GRID1: variants seen among roughly 807,000 people sequenced by gnomAD.
GRID1 encodes glutamate ionotropic receptor delta type subunit 1, also known as glutamate receptor ionotropic, delta-1.
A neutral mutation model predicts 98.0 loss-of-function variants in GRID1; 28 were observed. The observed-to-expected ratio is 0.29, with a 90% CI of 0.21 to 0.39. The LOEUF (loss-of-function observed/expected upper bound fraction) is 0.39. GRID1 is among the 10% of genes least tolerant of loss of function. GRID1 has a pLI of 1.00. For synonymous variants in GRID1, 553 were observed against 538.5 expected (o/e 1.03, Z -0.37); for missense variants, 1,111 against 1,340.5 (o/e 0.83, Z 2.67).
intron 14 of GRID1, among the ~76,000 whole-genome samples, chr10:85,614,245 A>G (rs2132515162): frequency 6.6e-6 from 1 of 152,342 alleles, no homozygotes; most frequent in South Asian, 2.1e-4. Context: ...GTGATTTAAA[A>G]AAATGAATCA....
chr10:86,251,194 CACAA>C lies in GRID1; in HGVS notation c.236-44550_236-44547del, dbSNP rs367620457. Among the ~76,000 whole-genome samples, 394 of 150,514 alleles carry C rather than the reference CACAA, an allele frequency of 2.6e-3. 4 individuals carry two copies. The highest frequency in any genetic ancestry group is 9.1e-3 in the African/African-American group (369 of 40,710). ...CTCCCTAATCTCAACTACCCAGGGA[CACAA>C]TCACTGCGGAAGGAAGGCGGCAGGG... On this transcript the variant is annotated intron_variant, in intron 2 of 15. Coordinates refer to ENST00000327946, the MANE Select transcript of GRID1 (RefSeq NM_017551.3).
chr10:86,283,553 A>ACACCACATG (rs1847385404), intron 2 of GRID1, among the ~76,000 whole-genome samples: 1 of 150,026 alleles, frequency 6.7e-6, no homozygotes, highest in Non-Finnish European at 1.5e-5. Flanking sequence ...ACCTGCCCTT[A>ACACCACATG]CACACACATG....
intron 4 of GRID1, among the ~76,000 whole-genome samples, chr10:86,034,455 T>C (rs1304495092): frequency 6.6e-6 from 1 of 152,166 alleles, no homozygotes; most frequent in East Asian, 1.9e-4. Context: ...TGGGTTTAGC[T>C]GTCTCCATTT....
At chr10:85,708,917 C>T (rs555127445) in intron 12 of GRID1, 3 of 179,312 alleles carry the variant, frequency 1.7e-5, no homozygotes, top group African/African-American at 4.8e-5. Context: ...AATCACATGG[C>T]TCAGCAGATT....
intron 8 of GRID1, among the ~76,000 whole-genome samples, chr10:85,850,189 C>T (rs1479174738): frequency 1.3e-5 from 2 of 152,124 alleles, no homozygotes; most frequent in Non-Finnish European, 2.9e-5. Context: ...ACAAGGGACC[C>T]GGAGATAGTG....
At position 85,601,975 on chromosome 10, in the gene GRID1, T is replaced by C; in HGVS notation, c.*298A>G. Reference sequence around the variant, plus strand: ...AAGGCCCAGGAATGGGGGGGCTCCTTTGGCACTTCAGAATGATCACAAGTA... The same window carrying C: ...AAGGCCCAGGAATGGGGGGGCTCCTCTGGCACTTCAGAATGATCACAAGTA... On this transcript the variant is annotated 3_prime_UTR_variant, in exon 16 of 16. Transcript: ENST00000327946. 2 of 287,766 alleles carry C rather than the reference T, an allele frequency of 7.0e-6. No homozygotes were observed. Among genetic ancestry groups the C allele is most frequent in the Non-Finnish European group, 1.3e-5 (2 of 154,088 alleles). The allele number at this position is 287,766 out of a possible 1,614,324, so 17.8% of individuals were successfully genotyped here.
At chr10:85,822,766 T>C (rs1464108543) in intron 8 of GRID1, among the ~76,000 whole-genome samples, 3 of 152,084 alleles carry the variant, frequency 2.0e-5, no homozygotes, top group Non-Finnish European at 4.4e-5. Flanking sequence ...CTATTCACAA[T>C]AGCAAAGACT....
chr10:85,844,198 T>C (rs989639280), intron 8 of GRID1, among the ~76,000 whole-genome samples: 5 of 152,082 alleles, frequency 3.3e-5, no homozygotes, highest in Non-Finnish European at 5.9e-5. Context: ...TGATTCAACA[T>C]ATATAATATT....
At chr10:86,078,241 A>T (rs1317967115) in intron 4 of GRID1, among the ~76,000 whole-genome samples, 1 of 152,246 alleles carries the variant, frequency 6.6e-6, no homozygotes, top group Non-Finnish European at 1.5e-5. Context: ...AACTCCAGGG[A>T]TGTGCTTAGC....
At chr10:86,347,425 A>G (rs1228836724) in intron 2 of GRID1, among the ~76,000 whole-genome samples, 1 of 151,766 alleles carries the variant, frequency 6.6e-6, no homozygotes, top group Non-Finnish European at 1.5e-5. Context: ...AGGGTGTTCT[A>G]CTCCTTGGGC....
At chr10:86,253,689 C>A (rs761561085) in intron 2 of GRID1, among the ~76,000 whole-genome samples, 1 of 152,174 alleles carries the variant, frequency 6.6e-6, no homozygotes, top group Non-Finnish European at 1.5e-5. Flanking sequence ...TCAGGACAGA[C>A]ACACGAGGGA....
chr10:85,791,342 C>G (rs1842477917), intron 8 of GRID1, among the ~76,000 whole-genome samples: 1 of 152,212 alleles, frequency 6.6e-6, no homozygotes, highest in Admixed American at 6.5e-5. Context: ...TGGCGCAATG[C>G]AGATCTTAGA....
At chr10:85,958,872 A>C (rs1196001918) in intron 4 of GRID1, among the ~76,000 whole-genome samples, 1 of 151,422 alleles carries the variant, frequency 6.6e-6, no homozygotes, top group African/African-American at 2.4e-5. Context: ...CAGGAGAATC[A>C]CTTGAACCCA....
intron 2 of GRID1, among the ~76,000 whole-genome samples, chr10:86,354,855 G>A (rs899428367): frequency 1.3e-4 from 20 of 152,192 alleles, no homozygotes; most frequent in African/African-American, 4.3e-4. Context: ...AGATGGCTCC[G>A]AGCAGCCTCC....
At chr10:85,775,860 G>A (rs1487156177) in intron 8 of GRID1, among the ~76,000 whole-genome samples, 1 of 152,112 alleles carries the variant, frequency 6.6e-6, no homozygotes, top group Non-Finnish European at 1.5e-5. Context: ...ACACAAAAGA[G>A]TCACTCTCTT....
intron 2 of GRID1, among the ~76,000 whole-genome samples, chr10:86,357,263 A>G (rs1848545620): frequency 6.6e-6 from 1 of 152,238 alleles, no homozygotes; most frequent in Admixed American, 6.5e-5. Flanking sequence ...GATGTTGGAC[A>G]CAGACCCAGC....
At chr10:85,678,883 G>C (rs1215714258) in intron 12 of GRID1, among the ~76,000 whole-genome samples, 1 of 152,038 alleles carries the variant, frequency 6.6e-6, no homozygotes, top group Non-Finnish European at 1.5e-5. Context: ...TGCACCCTGA[G>C]CATGCAACTA....
intron 6 of GRID1, among the ~76,000 whole-genome samples, chr10:85,861,594 A>G (rs1468167255): frequency 1.3e-5 from 2 of 152,196 alleles, no homozygotes; most frequent in African/African-American, 4.8e-5. Flanking sequence ...TGAGAGGGAG[A>G]CAGTGTGGCC....
intron 4 of GRID1, among the ~76,000 whole-genome samples, chr10:85,930,933 C>T (rs552778984): frequency 3.3e-5 from 5 of 152,066 alleles, no homozygotes; most frequent in Non-Finnish European, 7.4e-5. Context: ...CCTTGACCTC[C>T]GGGATCAAGC....
Sources: gnomAD v4.1 joint callset for allele counts (sites outside exome capture counted in the v4.1 genomes callset) on GRCh38, gnomAD v4.1.1 for gene constraint, MANE v1.5 for transcripts, NCBI Gene and HGNC (gene_info 2026-07-23, HGNC 2026-07-21) for gene names.